PXDNL: variants seen among roughly 807,000 people sequenced by gnomAD.
The protein encoded by PXDNL is peroxidasin like, also known as probable oxidoreductase PXDNL.
In PXDNL, 145 loss-of-function variants were observed where a neutral mutation model predicts 150.8. The ratio of observed to expected loss-of-function variants is 0.96; its 90% CI spans 0.84 to 1.10. The LOEUF (loss-of-function observed/expected upper bound fraction) is 1.10. Ranked by LOEUF, PXDNL falls within the 50% of genes least tolerant of loss-of-function variation. PXDNL has a pLI of 0.00. For missense variants in PXDNL, 2,087 were observed against 1,873.9 expected (o/e 1.11, Z -2.10); for synonymous variants, 757 against 725.7 (o/e 1.04, Z -0.69).
Position 51,737,391 on chromosome 8 carries a change from G to A in PXDNL, c.164+71790C>T, listed in dbSNP as rs1355384379. On this transcript the variant is annotated intron_variant, in intron 1 of 22. Transcript: ENST00000356297. ...GCATGAGACTTTAACTTTCATGTGG[G>A]CAATGACCAAGACTACCTAATTCAA... Among the ~76,000 whole-genome samples the A allele has an allele frequency of 3.3e-5, 5 of 152,280 alleles. No homozygotes were observed. The East Asian group carries it at 7.7e-4, about 24-fold the overall frequency.
chr8:51,470,238 T>A (rs1443173140), intron 8 of PXDNL, among the ~76,000 whole-genome samples: 2 of 152,116 alleles, frequency 1.3e-5, no homozygotes, highest in Non-Finnish European at 2.9e-5. Flanking sequence ...TCTCGTGGGC[T>A]AGTTTCCAGA....
rs61492447 is a variant in PXDNL at position 51,509,741 on chromosome 8, T to TACAC, written c.381-9975_381-9972dup. ...GTGTGTACATATATATATACATATA[T>TACAC]ACACACACACACACACACACACACA... On this transcript the variant is annotated intron_variant, in intron 4 of 22. Transcript: ENST00000356297. Among the ~76,000 whole-genome samples, 701 of 143,324 alleles carry TACAC rather than the reference T, an allele frequency of 4.9e-3. 5 individuals carry two copies. The highest frequency in any genetic ancestry group is 7.4e-3 in the Non-Finnish European group (479 of 65,052). The allele number at this position is 143,324 out of a possible 152,430, so 94.0% of individuals were successfully genotyped here. A position where few individuals can be genotyped will look rare whatever the true frequency, so the allele number is the denominator to read the frequency against.
At chr8:51,552,960 G>A (rs1041742815) in intron 4 of PXDNL, among the ~76,000 whole-genome samples, 1 of 152,200 alleles carries the variant, frequency 6.6e-6, no homozygotes, top group African/African-American at 2.4e-5. Context: ...AACCAGTTAT[G>A]TGCTTCCAAA....
intron 21 of PXDNL, among the ~76,000 whole-genome samples, chr8:51,326,640 A>C (rs2130623663): frequency 6.6e-6 from 1 of 152,324 alleles, no homozygotes; most frequent in African/African-American, 2.4e-5. Flanking sequence ...AGATTTCCTA[A>C]GGATATATAA....
intron 1 of PXDNL, among the ~76,000 whole-genome samples, chr8:51,710,584 T>G (rs1397456092): frequency 6.6e-6 from 1 of 152,158 alleles, no homozygotes; most frequent in Non-Finnish European, 1.5e-5. Context: ...TTGACCAATC[T>G]CTTCACATAC....
intron 4 of PXDNL, among the ~76,000 whole-genome samples, chr8:51,513,599 T>G (rs1811471925): frequency 6.6e-6 from 1 of 152,260 alleles, no homozygotes; most frequent in Admixed American, 6.5e-5. Flanking sequence ...TGGTCACTGA[T>G]GCACAATATT....
chr8:51,568,762 C>A (rs1812873408), intron 3 of PXDNL, among the ~76,000 whole-genome samples: 1 of 151,704 alleles, frequency 6.6e-6, no homozygotes, highest in African/African-American at 2.4e-5. Flanking sequence ...TATTATCCTG[C>A]CTTTCTTGAG....
intron 20 of PXDNL, among the ~76,000 whole-genome samples, chr8:51,342,956 G>A (rs1806033650): frequency 6.6e-6 from 1 of 151,386 alleles, no homozygotes; most frequent in Admixed American, 6.6e-5. Flanking sequence ...AGTGGTGGGT[G>A]ATTTAAAGAA....
At chr8:51,646,679 C>T (rs1323595698) in intron 2 of PXDNL, among the ~76,000 whole-genome samples, 1 of 152,016 alleles carries the variant, frequency 6.6e-6, no homozygotes, top group Non-Finnish European at 1.5e-5. Flanking sequence ...AGCCTTGCTC[C>T]TAAGGGGAGC....
At chr8:51,631,617 T>C (rs1814489975) in intron 2 of PXDNL, among the ~76,000 whole-genome samples, 1 of 152,166 alleles carries the variant, frequency 6.6e-6, no homozygotes, top group Non-Finnish European at 1.5e-5. Flanking sequence ...GAGATAACTA[T>C]ATAGGTAATT....
intron 2 of PXDNL, among the ~76,000 whole-genome samples, chr8:51,628,114 T>A (rs984478475): frequency 6.6e-6 from 1 of 152,166 alleles, no homozygotes; most frequent in African/African-American, 2.4e-5. Context: ...AATTGCTGTG[T>A]ACACTGGGAA....
At chr8:51,639,200 C>T (rs1814681836) in intron 2 of PXDNL, among the ~76,000 whole-genome samples, 1 of 152,168 alleles carries the variant, frequency 6.6e-6, no homozygotes, top group Admixed American at 6.6e-5. Context: ...ACATTTAAAG[C>T]AGTGTGTAGA....
At chr8:51,617,526 C>T (rs766290807) in intron 2 of PXDNL, among the ~76,000 whole-genome samples, 9 of 152,220 alleles carry the variant, frequency 5.9e-5, no homozygotes, top group African/African-American at 1.4e-4. Flanking sequence ...TTTTCACATG[C>T]GCCACATAGA....
In PXDNL at chr8:51,411,347, A is replaced by C. The variant is rs1586084652; in HGVS notation, c.1965T>G (p.Ile655Met). 6.3e-7 allele frequency: 1 copy of C among 1,588,760 alleles called. No individual in the cohort carries two copies. The highest frequency in any genetic ancestry group is 1.4e-5 in the African/African-American group (1 of 73,496). Residue 655 changes from isoleucine to methionine, a missense_variant, in exon 16 of 23, where the codon ATT becomes ATG. Physicochemically the swap from Ile to Met is conservative, Grantham distance 10 (BLOSUM62 1). Transcript: ENST00000356297. Reference protein sequence around the residue: ...AQFHYPRDPLIVEMARAGEIF... With the variant: ...AQFHYPRDPLMVEMARAGEIF... ...TCTCCCCTGCTCTTGCCATTTCCAC[A>C]ATCAGTGGGTCACGCGGGTAATGAA...
intron 17 of PXDNL, among the ~76,000 whole-genome samples, chr8:51,400,315 G>T (rs147373665): frequency 6.6e-6 from 1 of 152,242 alleles, no homozygotes; most frequent in Non-Finnish European, 1.5e-5. Flanking sequence ...ACTGAAACTG[G>T]TCACATGAGT....
At chr8:51,581,906 G>T (rs1374191421) in intron 3 of PXDNL, among the ~76,000 whole-genome samples, 8 of 152,064 alleles carry the variant, frequency 5.3e-5, no homozygotes, top group Admixed American at 4.6e-4. Context: ...TGCCTGTTCA[G>T]ATTTTCTATT....
At chr8:51,703,022 A>G (rs946514210) in intron 1 of PXDNL, among the ~76,000 whole-genome samples, 1 of 152,040 alleles carries the variant, frequency 6.6e-6, no homozygotes, top group Non-Finnish European at 1.5e-5. Context: ...TTCAGTGACA[A>G]TCTTTTTCTA....
At position 51,629,891 on chromosome 8, in the gene PXDNL, C is replaced by T. The variant is rs116461516; in HGVS notation, c.236+24798G>A. On this transcript the variant is annotated intron_variant, in intron 2 of 22. Coordinates refer to ENST00000356297, the MANE Select transcript of PXDNL (RefSeq NM_144651.5). ...AGCAATTTGCAGATTCAATGCTATT[C>T]GTAGCAAACTACAAATGACATTTTT... Among the ~76,000 whole-genome samples the T allele has an allele frequency of 6.4e-3, 973 of 152,114 alleles. 16 individuals are homozygous for T. Among genetic ancestry groups the T allele is most frequent in the African/African-American group, 0.022 (897 of 41,518 alleles).
intron 11 of PXDNL, among the ~76,000 whole-genome samples, chr8:51,448,700 AAAACAAAC>A (rs55820855): frequency 0.33 from 49,809 of 150,384 alleles, 8,952 homozygotes; most frequent in African/African-American, 0.46. Flanking sequence ...ACTCTGTCTC[AAAACAAAC>A]AAACAAACAA....
Sources: gnomAD v4.1 joint callset for allele counts (sites outside exome capture counted in the v4.1 genomes callset) on GRCh38, gnomAD v4.1.1 for gene constraint, MANE v1.5 for transcripts, NCBI Gene and HGNC (gene_info 2026-07-23, HGNC 2026-07-21) for gene names.